Variants in PACRG observed in about 807,000 individuals in gnomAD.
The protein encoded by PACRG is parkin coregulated gene protein.
In PACRG, 29 loss-of-function variants were observed where a neutral mutation model predicts 29.7. The observed-to-expected ratio is 0.98, with a 90% CI of 0.73 to 1.33. The LOEUF (loss-of-function observed/expected upper bound fraction) is 1.33, where lower values mean the gene tolerates loss of function less well. Ranked by LOEUF, PACRG falls within the 40% of genes most tolerant of loss-of-function variation. PACRG has a pLI of 0.00. For synonymous variants in PACRG, 116 were observed against 118.7 expected, an observed-to-expected ratio of 0.98 and a Z score of 0.15; for missense variants, 279 against 316.2, an observed-to-expected ratio of 0.88 and a Z score of 0.89.
chr6:162,891,809 A>G lies in PACRG; in HGVS notation c.291+77528A>G, dbSNP rs117379602. ...AGTGTGGACCTGTTTCGATGAGACC[A>G]ACTGGAATGAGCTGCTGATCCAGAT... On this transcript the variant is annotated intron_variant, in intron 2 of 4. Coordinates refer to ENST00000366888, the MANE Select transcript of PACRG (RefSeq NM_001080379.2). Among the ~76,000 whole-genome samples the G allele has an allele frequency of 2.0e-4, 31 of 152,252 alleles. No individual in the cohort carries two copies. The East Asian group carries it at 6.0e-3, about 30-fold the overall frequency.
chr6:162,857,222 C>T (rs886150158), intron 2 of PACRG, among the ~76,000 whole-genome samples: 10 of 152,178 alleles, frequency 6.6e-5, no homozygotes, highest in Non-Finnish European at 1.2e-4. Flanking sequence ...CTCTTTTCCA[C>T]GCACACTTGC....
chr6:163,273,152 C>G (rs1411844494), intron 4 of PACRG, among the ~76,000 whole-genome samples: 1 of 146,656 alleles, frequency 6.8e-6, no homozygotes, highest in Non-Finnish European at 1.5e-5. Flanking sequence ...CTCGGCCTCC[C>G]AAAGTGCTGG....
intron 4 of PACRG, among the ~76,000 whole-genome samples, chr6:163,098,059 G>C (rs1441441075): frequency 1.3e-5 from 2 of 152,154 alleles, no homozygotes; most frequent in Non-Finnish European, 2.9e-5. Context: ...GGTTATGCTA[G>C]AGTCAGGCTG....
intron 2 of PACRG, among the ~76,000 whole-genome samples, chr6:162,947,608 A>ATATG (rs1554313269): frequency 1.5e-5 from 1 of 66,362 alleles, no homozygotes; most frequent in Non-Finnish European, 2.7e-5. Context: ...ATATATATAT[A>ATATG]ATCATATATA....
chr6:163,010,491 C>T (rs980320636), intron 2 of PACRG, among the ~76,000 whole-genome samples: 2 of 152,166 alleles, frequency 1.3e-5, no homozygotes, highest in African/African-American at 4.8e-5. Flanking sequence ...CAGCCCCTGG[C>T]TCCTTTATAG....
intron 2 of PACRG, among the ~76,000 whole-genome samples, chr6:163,027,574 T>A (rs577925000): frequency 1.3e-5 from 2 of 152,302 alleles, no homozygotes; most frequent in South Asian, 4.1e-4. Flanking sequence ...TATGGTGTTT[T>A]AGAACACCAG....
Position 163,274,861 on chromosome 6 carries a change from C to CTTTTTT in PACRG, c.614-39955_614-39950dup, listed in dbSNP as rs58333018. ...TTCTTTTTCTTTTCTTTCTTTCTTT[C>CTTTTTT]TTTTTTTTTTTTTTTTGAGATAGAG... On this transcript the variant is annotated intron_variant, in intron 4 of 4. Transcript: ENST00000366888. Among the ~76,000 whole-genome samples, 225 of 126,212 alleles carry CTTTTTT rather than the reference C, an allele frequency of 1.8e-3. 3 individuals are homozygous for CTTTTTT. Among genetic ancestry groups the CTTTTTT allele is most frequent in the African/African-American group, 2.3e-3 (75 of 33,240 alleles). 82.8% of individuals were successfully genotyped at this position (126,212 alleles called of 152,430 possible). A position where few individuals can be genotyped will look rare whatever the true frequency, so the allele number is the denominator to read the frequency against.
chr6:162,756,689 AT>A (rs971805197), intron 1 of PACRG, among the ~76,000 whole-genome samples: 5 of 151,794 alleles, frequency 3.3e-5, no homozygotes, highest in Non-Finnish European at 5.9e-5. Flanking sequence ...CATTTTGTAA[AT>A]TTTTTTTATT....
At chr6:162,858,532 T>TG (rs1455397963) in intron 2 of PACRG, among the ~76,000 whole-genome samples, 1 of 152,226 alleles carries the variant, frequency 6.6e-6, no homozygotes, top group Non-Finnish European at 1.5e-5. Flanking sequence ...ACAAGGTTCG[T>TG]GGCTGAGAAC....
At chr6:163,296,640 T>C (rs1784787619) in intron 4 of PACRG, among the ~76,000 whole-genome samples, 1 of 152,184 alleles carries the variant, frequency 6.6e-6, no homozygotes, top group Non-Finnish European at 1.5e-5. Flanking sequence ...GGCCCAGTGA[T>C]GTAGTTCTTT....
rs73609743 is a variant in PACRG at position 162,999,759 on chromosome 6, T to C, written c.292-62391T>C. Among the ~76,000 whole-genome samples, 656 of 152,362 alleles carry C rather than the reference T, an allele frequency of 4.3e-3. 5 individuals carry two copies. Among genetic ancestry groups the C allele is most frequent in the African/African-American group, 0.015 (632 of 41,586 alleles). On this transcript the variant is annotated intron_variant, in intron 2 of 4. Transcript: ENST00000366888. ...ACATGACTCATTTTCTTGTGAGTTT[T>C]ACTTTAGCCTCAGCCTTTCAAAATT...
At position 162,989,770 on chromosome 6, in the gene PACRG, G is replaced by A. The variant is rs563257937; in HGVS notation, c.292-72380G>A. 1.5e-3 allele frequency among the ~76,000 whole-genome samples: 225 copies of A among 149,106 alleles called. 1 individual carries two copies. Among genetic ancestry groups the A allele is most frequent in the African/African-American group, 5.3e-3 (213 of 40,384 alleles). On this transcript the variant is annotated intron_variant, in intron 2 of 4. Transcript: ENST00000366888. Reference sequence around the variant, plus strand: ...TTTTTTATTATACTTTAAGTTTTAGGGTACATGTGCACATTGTGCAGGTTA... The same window carrying A: ...TTTTTTATTATACTTTAAGTTTTAGAGTACATGTGCACATTGTGCAGGTTA...
intron 4 of PACRG, among the ~76,000 whole-genome samples, chr6:163,289,827 T>G (rs1035418001): frequency 2.0e-5 from 3 of 147,788 alleles, no homozygotes; most frequent in Non-Finnish European, 3.0e-5. Context: ...TCCTCTTCTG[T>G]TTTTTTTTTC....
intron 4 of PACRG, chr6:163,313,035 C>T (rs1785496083): frequency 5.0e-6 from 1 of 200,494 alleles, no homozygotes; most frequent in Non-Finnish European, 1.0e-5. Flanking sequence ...GTATTACAGG[C>T]ATGAGTCACT....
intron 2 of PACRG, chr6:162,957,412 C>T (rs1428584878): frequency 4.2e-5 from 23 of 548,494 alleles, no homozygotes; most frequent in Middle Eastern, 3.1e-4. Context: ...TCTCACAGCA[C>T]GGACCCCTCA....
At chr6:162,873,863 C>G (rs568860155) in intron 2 of PACRG, among the ~76,000 whole-genome samples, 1 of 152,190 alleles carries the variant, frequency 6.6e-6, no homozygotes, top group Admixed American at 6.5e-5. Flanking sequence ...TTTTTGCCTA[C>G]CATTCAGCAA....
intron 2 of PACRG, among the ~76,000 whole-genome samples, chr6:162,900,692 G>A (rs1322009531): frequency 2.6e-5 from 4 of 151,980 alleles, no homozygotes; most frequent in Admixed American, 6.6e-5. Context: ...CGGCTTCCCC[G>A]CCATCCCCCA....
At chr6:163,211,177 G>C (rs996800863) in intron 4 of PACRG, among the ~76,000 whole-genome samples, 3 of 151,910 alleles carry the variant, frequency 2.0e-5, no homozygotes, top group African/African-American at 7.3e-5. Flanking sequence ...TTTTGACAGA[G>C]TTAGCAATTC....
At chr6:162,806,376 C>T (rs1293757222) in intron 1 of PACRG, among the ~76,000 whole-genome samples, 1 of 150,872 alleles carries the variant, frequency 6.6e-6, no homozygotes. Context: ...TTCCAAAGTG[C>T]TGGGATTACA....
Sources: allele counts gnomAD v4.1 joint callset (sites outside exome capture counted in the v4.1 genomes callset), GRCh38; gene constraint gnomAD v4.1.1; transcripts MANE v1.5; gene names NCBI Gene and HGNC (gene_info 2026-07-23, HGNC 2026-07-21).